The following IQGAP2 variants were observed in gnomAD, a reference collection of about 807,000 sequenced individuals.
IQGAP2 encodes the protein ras GTPase-activating-like protein IQGAP2.
Under a neutral mutation model 201.3 loss-of-function variants are expected in IQGAP2, and 173 were observed. That is an observed-to-expected ratio of 0.86 (90% CI 0.76 to 0.98). IQGAP2 has a LOEUF of 0.98. IQGAP2 is among the 50% of genes least tolerant of loss of function. The pLI is 0.00. For synonymous variants in IQGAP2, 675 were observed against 673.9 expected (o/e 1.00, Z -0.03); for missense variants, 1,687 against 1,864.8 (o/e 0.90, Z 1.76).
intron 24 of IQGAP2, among the ~76,000 whole-genome samples, chr5:76,672,515 A>G (rs1322391595): frequency 6.6e-6 from 1 of 152,186 alleles, no homozygotes; most frequent in Non-Finnish European, 1.5e-5. Context: ...AAGTCAAAAT[A>G]TTTAGCTTTG....
chr5:76,472,581 G>A lies in IQGAP2; in HGVS notation c.146+10912G>A, dbSNP rs75119861. Among the ~76,000 whole-genome samples the A allele has an allele frequency of 2.0e-3, 301 of 152,298 alleles. 3 individuals are homozygous for A. The East Asian group carries it at 0.027, about 14-fold the overall frequency. ...TATCTGACTCAGCAGGACACATTTCGTGTTCTCTGTCTGCCAAGCCTAGGC... is the reference window on the plus strand; with the variant it reads ...TATCTGACTCAGCAGGACACATTTCATGTTCTCTGTCTGCCAAGCCTAGGC... On this transcript the variant is annotated intron_variant, in intron 2 of 35. Transcript: ENST00000274364.
chr5:76,575,889 C>T lies in IQGAP2; in HGVS notation c.458+120C>T, dbSNP rs2150281982. 5.9e-6 allele frequency: 3 copies of T among 507,556 alleles called. No homozygotes were observed. In the East Asian group the frequency reaches 1.0e-4, roughly 17 times the overall value. 31.4% of individuals were successfully genotyped at this position (507,556 alleles called of 1,614,324 possible). On this transcript the variant is annotated intron_variant, in intron 5 of 35. Coordinates refer to ENST00000274364, the MANE Select transcript of IQGAP2 (RefSeq NM_006633.5). Reference sequence around the variant, plus strand: ...GTTTGAAGAACTTTTTATTAAATTCCATTGTTTTGGATTTGCTGGTACAAA... The same window carrying T: ...GTTTGAAGAACTTTTTATTAAATTCTATTGTTTTGGATTTGCTGGTACAAA...
intron 1 of IQGAP2, among the ~76,000 whole-genome samples, chr5:76,420,464 C>A (rs1415532118): frequency 6.6e-6 from 1 of 151,436 alleles, no homozygotes; most frequent in Non-Finnish European, 1.5e-5. Context: ...CAATCTCCGC[C>A]TCCCGGGTTC....
intron 2 of IQGAP2, among the ~76,000 whole-genome samples, chr5:76,470,434 G>C (rs949167053): frequency 6.6e-6 from 1 of 152,104 alleles, no homozygotes; most frequent in East Asian, 1.9e-4. Context: ...GTCTTCATAG[G>C]CTTTTGAAAT....
At chr5:76,447,981 A>G (rs150849576) in intron 1 of IQGAP2, among the ~76,000 whole-genome samples, 172 of 152,124 alleles carry the variant, frequency 1.1e-3, no homozygotes, top group African/African-American at 2.7e-3. Context: ...TCTCTTCTGC[A>G]TGTAGGGTTT....
At chr5:76,619,514 C>CTTTT (rs773323091) in intron 13 of IQGAP2, among the ~76,000 whole-genome samples, 7 of 104,256 alleles carry the variant, frequency 6.7e-5, no homozygotes, top group African/African-American at 1.2e-4. Flanking sequence ...TAAGGATCTT[C>CTTTT]TTTTTTTTTT....
intron 21 of IQGAP2, 112 bp from the exon 22 acceptor site, chr5:76,664,914 A>G: frequency 3.0e-6 from 2 of 665,006 alleles, no homozygotes; most frequent in East Asian, 2.7e-5. Context: ...AATGCACAAT[A>G]CAATGAGGTA....
rs1206227418 is a variant in IQGAP2 at position 76,640,952 on chromosome 5, C to G, written c.1943C>G (p.Thr648Arg). ...TGCCAGGACATTATTGAGGAAGTCA[C>G]AGTAGGTTACATTCGTGAGAATATA... Reference protein sequence around the residue: ...KEIEDIIEEVTVGYIRENIWS... With the variant: ...KEIEDIIEEVRVGYIRENIWS... Residue 648 changes from threonine (T) to arginine (R), a missense_variant, in exon 17 of 36, where the codon ACA becomes AGA. By Grantham distance (71) the Thr-to-Arg change is moderately conservative. Coordinates refer to ENST00000274364, the MANE Select transcript of IQGAP2 (RefSeq NM_006633.5). The G allele has an allele frequency of 6.3e-7, 1 of 1,593,200 alleles. No individual in the cohort carries two copies.
chr5:76,637,934 C>T (rs1019868891), intron 16 of IQGAP2, among the ~76,000 whole-genome samples: 20 of 152,226 alleles, frequency 1.3e-4, no homozygotes, highest in Non-Finnish European at 2.5e-4. Context: ...TCCCTTTTAA[C>T]TAATCTGTGA....
intron 2 of IQGAP2, among the ~76,000 whole-genome samples, chr5:76,490,942 A>G (rs1299693844): frequency 6.6e-6 from 1 of 152,140 alleles, no homozygotes; most frequent in Non-Finnish European, 1.5e-5. Flanking sequence ...AAAGCCCAGT[A>G]AAATGAATAT....
intron 12 of IQGAP2, chr5:76,609,163 A>C (rs112603271): frequency 3.3e-6 from 5 of 1,535,926 alleles, no homozygotes; most frequent in Non-Finnish European, 4.4e-6. Flanking sequence ...AGTCAGCTGA[A>C]ATGCACTCAC....
intron 22 of IQGAP2, 44 bp from the exon 23 acceptor site, chr5:76,668,637 T>A (rs3815778): frequency 0.18 from 275,904 of 1,497,288 alleles, 27,996 homozygotes; most frequent in South Asian, 0.36. Context: ...TAACTTATTG[T>A]TTTGTGGGAT....
At chr5:76,597,026 G>A (rs934957829) in intron 9 of IQGAP2, 3 of 169,606 alleles carry the variant, frequency 1.8e-5, no homozygotes, top group Admixed American at 5.6e-5. Flanking sequence ...AATGCACAAG[G>A]AGCACAGGGA....
At chr5:76,469,935 A>G (rs576659781) in intron 2 of IQGAP2, among the ~76,000 whole-genome samples, 1 of 152,334 alleles carries the variant, frequency 6.6e-6, no homozygotes, top group South Asian at 2.1e-4. Flanking sequence ...GCTTAAAACA[A>G]TAAACATTTA....
Position 76,487,768 on chromosome 5 carries a change from C to T in IQGAP2, c.146+26099C>T, listed in dbSNP as rs114950965. On this transcript the variant is annotated intron_variant, in intron 2 of 35. Coordinates refer to ENST00000274364, the MANE Select transcript of IQGAP2 (RefSeq NM_006633.5). ...AGACACTGCATCTGTCTGTTCTCCA[C>T]TCTGTCCTGGCACAGCTCACCTCCA... Among the ~76,000 whole-genome samples the T allele has an allele frequency of 2.2e-3, 337 of 152,320 alleles. 1 individual carries two copies. Among genetic ancestry groups the T allele is most frequent in the African/African-American group, 7.9e-3 (328 of 41,562 alleles).
chr5:76,569,329 T>C (rs1377644389), intron 3 of IQGAP2, among the ~76,000 whole-genome samples: 3 of 152,214 alleles, frequency 2.0e-5, no homozygotes, highest in East Asian at 1.9e-4. Flanking sequence ...ATTTATTCCA[T>C]TGTGTGAATG....
intron 5 of IQGAP2, among the ~76,000 whole-genome samples, chr5:76,586,971 G>C (rs993071421): frequency 2.0e-5 from 3 of 152,188 alleles, no homozygotes; most frequent in Non-Finnish European, 4.4e-5. Context: ...TAGCTTCCCA[G>C]TTCTCTGCAA....
rs190952874 is a variant in IQGAP2, at chr5:76,673,795, T to C, written c.3210-157T>C. The C allele has an allele frequency of 1.0e-5, 7 of 679,120 alleles. No individual in the cohort carries two copies. In the African/African-American group the frequency reaches 1.1e-4, roughly 11 times the overall value. The allele number at this position is 679,120 out of a possible 1,614,324, so 42.1% of individuals were successfully genotyped here. On this transcript the variant is annotated intron_variant, in intron 25 of 35. Coordinates refer to ENST00000274364, the MANE Select transcript of IQGAP2 (RefSeq NM_006633.5). The stretch of plus-strand genomic sequence containing the variant: ...AGTAGCAAACACAGCTCAGTTATTA[T>C]CATCAGTGGAAGTCCTGTGATTCCA...
chr5:76,589,819 G>A, intron 7 of IQGAP2, 91 bp downstream of exon 7: 1 of 619,660 alleles, frequency 1.6e-6, no homozygotes, highest in Non-Finnish European at 2.6e-6. Context: ...AGAATATTTA[G>A]AAGATACTTT....
Sources: allele counts gnomAD v4.1 joint callset (sites outside exome capture counted in the v4.1 genomes callset), GRCh38; gene constraint gnomAD v4.1.1; transcripts MANE v1.5; gene names NCBI Gene and HGNC (gene_info 2026-07-23, HGNC 2026-07-21).